The following SLC22A9 variants were observed in gnomAD, a reference collection of about 807,000 sequenced individuals.
SLC22A9 encodes organic anion transporter 7.
Under a neutral mutation model 50.1 loss-of-function variants are expected in SLC22A9, and 64 were observed. The ratio of observed to expected loss-of-function variants is 1.28; its 90% CI spans 1.04 to 1.57. The LOEUF (loss-of-function observed/expected upper bound fraction) is 1.57. SLC22A9 is among the 40% of genes most tolerant of loss of function. SLC22A9 has a pLI of 0.00. For synonymous variants in SLC22A9, 261 were observed against 242.5 expected (o/e 1.08, Z -0.71); for missense variants, 757 against 676.1 (o/e 1.12, Z -1.33).
chr11:63,375,648 G>A lies in SLC22A9; in HGVS notation c.834G>A (p.Trp278Ter), dbSNP rs747311001. The change falls in exon 5 of 10, where the codon TGG (tryptophan) becomes TGA (stop). Residue 278 changes from tryptophan to a stop codon, truncating the protein, a stop_gained. Transcript: ENST00000279178. LOFTEE classifies it high-confidence loss of function. ...PYFVIFLTSS[W>*]LLESARWLII... ...CTCTGTTCTCTTCCTTGGTCAGTTG[G>A]CTGCTAGAGTCTGCTCGGTGGCTCA... 3.2e-5 allele frequency: 52 copies of A among 1,611,890 alleles called. 1 individual carries two copies. In the South Asian group the frequency reaches 5.6e-4, roughly 17 times the overall value.
Position 63,406,509 on chromosome 11 carries a change from T to C in SLC22A9, c.1086T>C (p.Phe362=), listed in dbSNP as rs541871399. The C allele has an allele frequency of 6.2e-7, 1 of 1,613,622 alleles. No individual in the cohort carries two copies. Among genetic ancestry groups the C allele is most frequent in the African/African-American group, 1.3e-5 (1 of 75,024 alleles). Residue 362 remains phenylalanine, a synonymous_variant, in exon 7 of 10, where the codon TTT becomes TTC. Coordinates refer to ENST00000279178, the MANE Select transcript of SLC22A9 (RefSeq NM_080866.3). ...TTAATCATCACAGATTTGCAAACTTTATGGCCTATTTTGGCCTTAATCTCC... is the reference window on the plus strand; with the variant it reads ...TTAATCATCACAGATTTGCAAACTTCATGGCCTATTTTGGCCTTAATCTCC... The part of the protein sequence containing the change: ...SLLSFTRFAN[F]MAYFGLNLHV...
At chr11:63,384,049 GAAAAA>G (rs58436264) in intron 6 of SLC22A9, among the ~76,000 whole-genome samples, 68,365 of 132,898 alleles carry the variant, frequency 0.51, 17,316 homozygotes, top group Non-Finnish European at 0.63. Context: ...CTCCATCTAA[GAAAAA>G]AAAAAAAAAA....
intron 6 of SLC22A9, 59 bp from the exon 7 acceptor site, chr11:63,406,438 T>C (rs980958017): frequency 6.7e-7 from 1 of 1,483,162 alleles, no homozygotes; most frequent in Non-Finnish European, 9.4e-7. Flanking sequence ...ATTATTCTCA[T>C]TTGTAGGATG....
At chr11:63,371,269 A>AG (rs1246889435) in intron 2 of SLC22A9, 31 bp downstream of exon 2, 13 of 1,492,154 alleles carry the variant, frequency 8.7e-6, no homozygotes, top group Non-Finnish European at 1.1e-5. Context: ...GCTCTCTTTA[A>AG]GGGCATTTTT....
intron 6 of SLC22A9, among the ~76,000 whole-genome samples, chr11:63,405,575 CT>C (rs769547542): frequency 6.6e-6 from 1 of 152,134 alleles, no homozygotes; most frequent in Non-Finnish European, 1.5e-5. Context: ...TTGTTGCATT[CT>C]GGATTTACTA....
At position 63,410,133 on chromosome 11, in the gene SLC22A9, T is replaced by C. The variant is rs2015114971; in HGVS notation, c.*271T>C. 2 of 234,040 alleles carry C rather than the reference T, an allele frequency of 8.5e-6. No homozygotes were observed. Among genetic ancestry groups the C allele is most frequent in the Non-Finnish European group, 1.7e-5 (2 of 121,068 alleles). The allele number at this position is 234,040 out of a possible 1,614,324, so 14.5% of individuals were successfully genotyped here. ...GGCACAGGCCTTTAATTCCAGCTAC[T>C]TGGGAGGCTGAGGCAGGAGAATTAC... On this transcript the variant is annotated 3_prime_UTR_variant, in exon 10 of 10. Transcript: ENST00000279178.
intron 5 of SLC22A9, among the ~76,000 whole-genome samples, chr11:63,378,231 GA>G (rs1173805168): frequency 1.3e-5 from 2 of 149,958 alleles, no homozygotes; most frequent in East Asian, 1.9e-4. Context: ...ACCTGGCAGA[GA>G]AAAAAATTTT....
intron 5 of SLC22A9, among the ~76,000 whole-genome samples, chr11:63,381,798 A>C (rs558472): frequency 0.62 from 94,448 of 151,940 alleles, 29,549 homozygotes; most frequent in African/African-American, 0.66. Flanking sequence ...TCCTTTGGGG[A>C]CCATGTGGTC....
chr11:63,408,095 G>T lies in SLC22A9; in HGVS notation c.1289-17G>T, dbSNP rs566776770. The T allele has an allele frequency of 3.1e-6, 5 of 1,608,014 alleles. No individual in the cohort carries two copies. Among genetic ancestry groups the T allele is most frequent in the Non-Finnish European group, 4.3e-6 (5 of 1,175,156 alleles). ...CAGCTCAGATTTCCTGAGGCCTTGT[G>T]TTCTTCCTTTCTCCAGAAATGCAGA... On this transcript the variant is annotated splice_polypyrimidine_tract_variant and intron_variant, in intron 7 of 9. Coordinates refer to ENST00000279178, the MANE Select transcript of SLC22A9 (RefSeq NM_080866.3).
intron 6 of SLC22A9, among the ~76,000 whole-genome samples, chr11:63,400,016 T>C (rs1224369706): frequency 6.6e-6 from 1 of 151,940 alleles, no homozygotes; most frequent in Non-Finnish European, 1.5e-5. Context: ...TACCAAACCT[T>C]TGAGATATGG....
At position 63,386,434 on chromosome 11, in the gene SLC22A9, C is replaced by CTTTTTTTTTTTTTTTTT. The variant is rs71065364; in HGVS notation, c.1073+4175_1073+4191dup. Among the ~76,000 whole-genome samples the CTTTTTTTTTTTTTTTTT allele has an allele frequency of 3.6e-4, 12 of 33,504 alleles. 5 individuals carry two copies. Among genetic ancestry groups the CTTTTTTTTTTTTTTTTT allele is most frequent in the African/African-American group, 1.8e-3 (10 of 5,632 alleles). 22.0% of individuals were successfully genotyped at this position (33,504 alleles called of 152,430 possible). ...AGCTATAAATCCACGTGGACCTGGA[C>CTTTTTTTTTTTTTTTTT]TTTTTTTTTTTTTTTTTTTTTTTTT... On this transcript the variant is annotated intron_variant, in intron 6 of 9. Coordinates refer to ENST00000279178, the MANE Select transcript of SLC22A9 (RefSeq NM_080866.3).
intron 4 of SLC22A9, among the ~76,000 whole-genome samples, chr11:63,375,033 T>C (rs1476547021): frequency 6.6e-6 from 1 of 152,170 alleles, no homozygotes; most frequent in Non-Finnish European, 1.5e-5. Context: ...ATTACAGATT[T>C]AATACAGAGA....
At position 63,382,216 on chromosome 11, in the gene SLC22A9, CT is replaced by C. The variant is rs761962200; in HGVS notation, c.1013del (p.Leu338ArgfsTer64). 33 of 1,609,240 alleles carry C rather than the reference CT, an allele frequency of 2.1e-5. No homozygotes were observed. The African/African-American group carries it at 4.2e-4, about 20-fold the overall frequency. On this transcript the variant is annotated frameshift_variant, in exon 6 of 10. Transcript: ENST00000279178. LOFTEE classifies it high-confidence loss of function. ...GGCAGCACAAAAAAAAAAACCTTCT[CT>C]GTGTGAAATGCTCCACATGCCCAAC... ...LEAAQKKKPS[L>X]CEMLHMPNIC...
At chr11:63,375,553 T>A in intron 4 of SLC22A9, 92 bp from the exon 5 acceptor site, 1 of 1,519,374 alleles carries the variant, frequency 6.6e-7, no homozygotes. Flanking sequence ...TGGTGGATAT[T>A]AGCTTGGAGG....
chr11:63,408,950 C>T, intron 9 of SLC22A9, 71 bp downstream of exon 9: 1 of 1,466,110 alleles, frequency 6.8e-7, no homozygotes, highest in Non-Finnish European at 9.5e-7. Flanking sequence ...AGGCAAAATA[C>T]CATTTAGGGC....
In SLC22A9 at chr11:63,374,035, C is replaced by T; in HGVS notation, c.803C>T (p.Pro268Leu). 1 of 1,611,824 alleles carries T rather than the reference C, an allele frequency of 6.2e-7. No homozygotes were observed. The highest frequency in any genetic ancestry group is 8.5e-7 in the Non-Finnish European group (1 of 1,179,230). The stretch of plus-strand genomic sequence containing the variant: ...ATCCTCCAGCTGGTGGTGTCTGTAC[C>T]ATACTTTGTGATCTTTCTGACCTCA... ...WHILQLVVSV[P>L]YFVIFLTSSW... is the part of the protein sequence containing the mutation. Residue 268 changes from proline (P) to leucine (L), a missense_variant, in exon 4 of 10, where the codon CCA becomes CTA. Transcript: ENST00000279178.
chr11:63,395,565 G>A lies in SLC22A9; in HGVS notation c.1074-10932G>A, dbSNP rs2014838585. ...GATTGTCTGCAGAGTCCTGTGATTTGAACTGTCTATTGGTCTCTCGGCCAT... is the reference window on the plus strand; with the variant it reads ...GATTGTCTGCAGAGTCCTGTGATTTAAACTGTCTATTGGTCTCTCGGCCAT... On this transcript the variant is annotated intron_variant, in intron 6 of 9. Coordinates refer to ENST00000279178, the MANE Select transcript of SLC22A9 (RefSeq NM_080866.3). 2.0e-5 allele frequency among the ~76,000 whole-genome samples: 3 copies of A among 152,158 alleles called. No homozygotes were observed. The South Asian group carries it at 6.2e-4, about 32-fold the overall frequency.
chr11:63,398,291 G>A (rs1023314504), intron 6 of SLC22A9, among the ~76,000 whole-genome samples: 2 of 152,070 alleles, frequency 1.3e-5, no homozygotes, highest in African/African-American at 2.4e-5. Context: ...CTCTCCTCAA[G>A]TCAAAGGGAG....
chr11:63,408,127 G>A lies in SLC22A9; in HGVS notation c.1304G>A (p.Arg435His), dbSNP rs144303933. ...CTTTCTCCAGAAATGCAGACGCTGC[G>A]TGAGGTTTTGGCAACACTGGGCTTA... ...IFVPQEMQTL[R>H]EVLATLGLGA... The change falls in exon 8 of 10, where the codon CGT (arginine) becomes CAT (histidine). Residue 435 changes from arginine (R) to histidine (H), a missense_variant. Transcript: ENST00000279178. 1,186 of 1,613,494 alleles carry A rather than the reference G, an allele frequency of 7.4e-4. 6 individuals carry two copies. The highest frequency in any genetic ancestry group is 5.3e-4 in the African/African-American group (40 of 75,008).
Sources: allele counts gnomAD v4.1 joint callset (sites outside exome capture counted in the v4.1 genomes callset), GRCh38; gene constraint gnomAD v4.1.1; transcripts MANE v1.5; gene names NCBI Gene and HGNC (gene_info 2026-07-23, HGNC 2026-07-21).